BMPER: variants seen among roughly 807,000 people sequenced by gnomAD.
BMPER encodes BMP-binding endothelial regulator protein.
BMPER carries 45 observed loss-of-function variants against 87.3 expected under a neutral mutation model. That is an observed-to-expected ratio of 0.52 (90% CI 0.41 to 0.66). BMPER has a LOEUF of 0.66. Among genes scored for constraint, BMPER ranks in the 30% least tolerant of loss-of-function variants. The probability of loss-of-function intolerance (pLI) is 0.00; values close to 1 mark genes in which losing one functional copy is unlikely to be tolerated. For missense variants in BMPER, 784 were observed against 867.5 expected, an observed-to-expected ratio of 0.90 and a Z score of 1.21; for synonymous variants, 326 against 316.2, an observed-to-expected ratio of 1.03 and a Z score of -0.33.
intron 6 of BMPER, among the ~76,000 whole-genome samples, chr7:34,008,903 G>A (rs1786807409): frequency 6.6e-6 from 1 of 151,918 alleles, no homozygotes; most frequent in African/African-American, 2.4e-5. Flanking sequence ...GCACAGTAGT[G>A]CAATCATAGC....
intron 13 of BMPER, among the ~76,000 whole-genome samples, chr7:34,091,491 C>G (rs925841413): frequency 6.6e-6 from 1 of 152,126 alleles, no homozygotes; most frequent in Admixed American, 6.5e-5. Flanking sequence ...ACACTGAGTT[C>G]GTAATTAAGG....
At chr7:34,147,078 A>G (rs2127995718) in intron 14 of BMPER, among the ~76,000 whole-genome samples, 1 of 152,288 alleles carries the variant, frequency 6.6e-6, no homozygotes, top group Non-Finnish European at 1.5e-5. Flanking sequence ...AAGGTGCTGG[A>G]AACGTGGGTG....
chr7:34,140,227 A>G (rs577788174), intron 13 of BMPER, among the ~76,000 whole-genome samples: 20 of 152,336 alleles, frequency 1.3e-4, no homozygotes, highest in African/African-American at 3.6e-4. Flanking sequence ...TGGAGGAGAC[A>G]TTCCCTGAAA....
chr7:34,006,305 G>A (rs527870441), intron 6 of BMPER, among the ~76,000 whole-genome samples: 1 of 151,950 alleles, frequency 6.6e-6, no homozygotes, highest in Non-Finnish European at 1.5e-5. Context: ...TAAACTATGA[G>A]GAGTTCTTAA....
chr7:34,135,569 T>C (rs1790699045), intron 13 of BMPER, among the ~76,000 whole-genome samples: 1 of 152,150 alleles, frequency 6.6e-6, no homozygotes, highest in Non-Finnish European at 1.5e-5. Flanking sequence ...CAGGGACTTT[T>C]TTTGCTTTGT....
intron 13 of BMPER, among the ~76,000 whole-genome samples, chr7:34,087,559 C>T (rs2127977750): frequency 6.6e-6 from 1 of 152,298 alleles, no homozygotes. Context: ...CTTGAAGAGT[C>T]GCCATCCAGA....
At chr7:33,965,648 G>A (rs1469733010) in intron 3 of BMPER, among the ~76,000 whole-genome samples, 3 of 152,152 alleles carry the variant, frequency 2.0e-5, no homozygotes, top group Non-Finnish European at 4.4e-5. Context: ...TAAGGATACA[G>A]TGACTATAGG....
At chr7:34,096,608 A>G (rs1207294598) in intron 13 of BMPER, among the ~76,000 whole-genome samples, 1 of 152,150 alleles carries the variant, frequency 6.6e-6, no homozygotes, top group Non-Finnish European at 1.5e-5. Context: ...TGGCAAGTAA[A>G]AGGAGCAGCA....
At chr7:34,083,278 G>A (rs1323440491) in intron 12 of BMPER, among the ~76,000 whole-genome samples, 1 of 152,190 alleles carries the variant, frequency 6.6e-6, no homozygotes, top group Non-Finnish European at 1.5e-5. Context: ...ATCCACATGG[G>A]AGGTCAGCCC....
intron 13 of BMPER, among the ~76,000 whole-genome samples, chr7:34,132,176 T>A (rs1209413478): frequency 1.3e-5 from 2 of 152,162 alleles, no homozygotes; most frequent in African/African-American, 4.8e-5. Context: ...GCATGTTTTC[T>A]TCTCCTCTAG....
chr7:33,918,623 A>G (rs539989337), intron 2 of BMPER, among the ~76,000 whole-genome samples: 15 of 152,354 alleles, frequency 9.8e-5, no homozygotes, highest in African/African-American at 3.4e-4. Context: ...AACATGAAAG[A>G]TGAAGCAGAT....
chr7:34,041,455 A>G (rs758109279), intron 6 of BMPER, among the ~76,000 whole-genome samples: 6 of 152,164 alleles, frequency 3.9e-5, no homozygotes, highest in Admixed American at 6.5e-5. Flanking sequence ...TATTCTTTGC[A>G]GACCAAAAAC....
chr7:34,011,583 CAAAAAAAAA>C (rs36022297), intron 6 of BMPER, among the ~76,000 whole-genome samples: 6 of 45,764 alleles, frequency 1.3e-4, no homozygotes, highest in African/African-American at 4.0e-4. Flanking sequence ...TTGGTCAGGG[CAAAAAAAAA>C]AAAAAAAAAA....
chr7:34,118,253 C>T (rs1404386660), intron 13 of BMPER, among the ~76,000 whole-genome samples: 2 of 151,674 alleles, frequency 1.3e-5, no homozygotes, highest in Non-Finnish European at 2.9e-5. Flanking sequence ...TGCAGTGAGC[C>T]GAGATCACAC....
At chr7:33,942,487 C>T (rs1164445306) in intron 3 of BMPER, among the ~76,000 whole-genome samples, 4 of 152,194 alleles carry the variant, frequency 2.6e-5, no homozygotes, top group African/African-American at 9.6e-5. Context: ...ATTAGGCTTC[C>T]AGGCCTGCTG....
chr7:34,011,966 A>T (rs1786894683), intron 6 of BMPER, among the ~76,000 whole-genome samples: 1 of 151,948 alleles, frequency 6.6e-6, no homozygotes, highest in African/African-American at 2.4e-5. Context: ...GTTGAATGTC[A>T]TGCAGCAGTT....
intron 6 of BMPER, among the ~76,000 whole-genome samples, chr7:34,025,421 C>T (rs1209294108): frequency 6.6e-6 from 1 of 151,914 alleles, no homozygotes; most frequent in Non-Finnish European, 1.5e-5. Context: ...GTGTCTGGGG[C>T]CTGAGATGAT....
chr7:34,024,433 A>G (rs1787302780), intron 6 of BMPER, among the ~76,000 whole-genome samples: 1 of 71,650 alleles, frequency 1.4e-5, no homozygotes, highest in Non-Finnish European at 2.4e-5. Context: ...ATATATATAT[A>G]TGTTGGGGAG....
intron 13 of BMPER, among the ~76,000 whole-genome samples, chr7:34,088,714 C>T (rs1789288944): frequency 6.6e-6 from 1 of 152,164 alleles, no homozygotes; most frequent in Non-Finnish European, 1.5e-5. Flanking sequence ...ACAGCGCTGG[C>T]ACACGGTAGT....
Sources: allele counts gnomAD v4.1 joint callset (sites outside exome capture counted in the v4.1 genomes callset), GRCh38; gene constraint gnomAD v4.1.1; transcripts MANE v1.5; gene names NCBI Gene and HGNC (gene_info 2026-07-23, HGNC 2026-07-21).